The following IL1RL2 variants were observed in gnomAD, a reference collection of about 807,000 sequenced individuals.
IL1RL2 encodes the protein interleukin-1 receptor-like 2.
A neutral mutation model predicts 66.8 loss-of-function variants in IL1RL2; 68 were observed. The ratio of observed to expected loss-of-function variants is 1.02; its 90% CI spans 0.84 to 1.25. The LOEUF is 1.25. Ranked by LOEUF, IL1RL2 falls within the 50% of genes most tolerant of loss-of-function variation. IL1RL2 has a pLI of 0.00. For synonymous variants in IL1RL2, 305 were observed against 264.6 expected (o/e 1.15, Z -1.48); for missense variants, 729 against 709.3 (o/e 1.03, Z -0.32).
At chr2:102,199,682 G>T (rs1353586181) in intron 4 of IL1RL2, among the ~76,000 whole-genome samples, 1 of 152,216 alleles carries the variant, frequency 6.6e-6, no homozygotes, top group Non-Finnish European at 1.5e-5. Context: ...GCCCTCAGCT[G>T]CAAGGCTGAA....
intron 11 of IL1RL2, among the ~76,000 whole-genome samples, chr2:102,236,156 T>C (rs972801155): frequency 6.6e-6 from 1 of 152,238 alleles, no homozygotes; most frequent in African/African-American, 2.4e-5. Context: ...AAATTAGCTG[T>C]AAACCCTCAT....
intron 9 of IL1RL2, among the ~76,000 whole-genome samples, chr2:102,226,405 G>A (rs1578182489): frequency 6.6e-6 from 1 of 152,174 alleles, no homozygotes; most frequent in East Asian, 1.9e-4. Context: ...TCAGCACAGT[G>A]GGTACTTTCT....
chr2:102,187,485 C>A, intron 1 of IL1RL2: 1 of 810,854 alleles, frequency 1.2e-6, no homozygotes, highest in Non-Finnish European at 1.6e-6. Context: ...ACGTCTGGAA[C>A]CCAGGCCGCA....
chr2:102,187,978 T>G, intron 2 of IL1RL2, 53 bp downstream of exon 2: 1 of 1,536,922 alleles, frequency 6.5e-7, no homozygotes, highest in East Asian at 2.2e-5. Flanking sequence ...CACAGGCTCC[T>G]GGCCTGTCAT....
At chr2:102,237,749 G>A (rs1675007047) in intron 11 of IL1RL2, among the ~76,000 whole-genome samples, 1 of 152,228 alleles carries the variant, frequency 6.6e-6, no homozygotes, top group South Asian at 2.1e-4. Context: ...CCGCTGACAT[G>A]TAGGCAGGTT....
chr2:102,236,358 G>C (rs1674884507), intron 11 of IL1RL2, among the ~76,000 whole-genome samples: 1 of 152,126 alleles, frequency 6.6e-6, no homozygotes, highest in Non-Finnish European at 1.5e-5. Flanking sequence ...GATGGCATGG[G>C]GAGCAGGGTG....
At chr2:102,211,973 T>TCC in intron 5 of IL1RL2, 127 bp from the exon 6 acceptor site, 1 of 568,530 alleles carries the variant, frequency 1.8e-6, no homozygotes, top group East Asian at 2.9e-5. Flanking sequence ...TGTGTATTTA[T>TCC]GGAGTGAGAT....
At chr2:102,226,153 G>A (rs1690591914) in intron 9 of IL1RL2, 112 bp downstream of exon 9, 1 of 831,544 alleles carries the variant, frequency 1.2e-6, no homozygotes, top group South Asian at 2.6e-5. Flanking sequence ...CAAATTTAGG[G>A]AAAGGAATCT....
chr2:102,198,899 T>C (rs1469366465), intron 4 of IL1RL2, among the ~76,000 whole-genome samples: 2 of 152,188 alleles, frequency 1.3e-5, no homozygotes, highest in East Asian at 1.9e-4. Flanking sequence ...TCCAACCGTC[T>C]AATGTACAGT....
At chr2:102,208,153 C>T (rs1688856127) in intron 5 of IL1RL2, among the ~76,000 whole-genome samples, 2 of 152,186 alleles carry the variant, frequency 1.3e-5, no homozygotes, top group African/African-American at 2.4e-5. Flanking sequence ...TTTTCTATCT[C>T]ATTGGTGTCC....
At chr2:102,208,242 G>A (rs1418764450) in intron 5 of IL1RL2, among the ~76,000 whole-genome samples, 1 of 151,222 alleles carries the variant, frequency 6.6e-6, no homozygotes, top group African/African-American at 2.4e-5. Context: ...TGTGTAGATG[G>A]TTGTTAACTT....
intron 11 of IL1RL2, among the ~76,000 whole-genome samples, chr2:102,236,884 C>T (rs1674933805): frequency 6.6e-6 from 1 of 152,196 alleles, no homozygotes; most frequent in African/African-American, 2.4e-5. Context: ...AGTAGTGACA[C>T]ATGTTGGAAA....
At chr2:102,236,247 T>C (rs942938516) in intron 11 of IL1RL2, among the ~76,000 whole-genome samples, 6 of 152,164 alleles carry the variant, frequency 3.9e-5, no homozygotes, top group Admixed American at 2.0e-4. Context: ...CACTGAGACT[T>C]AGTAAGCAGT....
At chr2:102,218,301 C>T (rs537556290) in intron 6 of IL1RL2, among the ~76,000 whole-genome samples, 3 of 151,922 alleles carry the variant, frequency 2.0e-5, no homozygotes, top group Non-Finnish European at 4.4e-5. Context: ...AAAAAAATAT[C>T]ATTTAGAATA....
At chr2:102,195,952 G>A (rs1349274429) in intron 4 of IL1RL2, among the ~76,000 whole-genome samples, 2 of 151,934 alleles carry the variant, frequency 1.3e-5, no homozygotes, top group African/African-American at 4.8e-5. Context: ...GACCTCAGAT[G>A]ATCCACTTGT....
At position 102,219,998 on chromosome 2, in the gene IL1RL2, C is replaced by T; in HGVS notation, c.972C>T (p.Tyr324=). ...GCCACGCTGGAGTGTCCACAGCATA[C>T]ATTATATTACAGCTCCCAGGTAATA... The part of the protein sequence containing the change: ...FMCHAGVSTA[Y]IILQLPAPDF... The change falls in exon 8 of 12, where the codon TAC becomes TAT. Residue 324 remains tyrosine (Y), a synonymous_variant. Coordinates refer to ENST00000264257, the MANE Select transcript of IL1RL2 (RefSeq NM_003854.4). 2 of 1,612,314 alleles carry T rather than the reference C, an allele frequency of 1.2e-6. No homozygotes were observed. The highest frequency in any genetic ancestry group is 1.7e-6 in the Non-Finnish European group (2 of 1,178,600).
chr2:102,234,985 G>A lies in IL1RL2; in HGVS notation c.1386G>A (p.Leu462=). The A allele has an allele frequency of 6.2e-7, 1 of 1,614,198 alleles. No individual in the cohort carries two copies. Among genetic ancestry groups the A allele is most frequent in the Non-Finnish European group, 8.5e-7 (1 of 1,180,038 alleles). The part of the protein sequence containing the change: ...VVPESLGFGL[L]KNLSEEQIAV... ...CCGAATCGCTGGGCTTTGGCCTGTT[G>A]AAGAACCTGTCAGAAGAACAAATCG... is the stretch of plus-strand genomic sequence containing the variant. Residue 462 remains leucine (L), a synonymous_variant, in exon 11 of 12, where the codon TTG becomes TTA. Coordinates refer to ENST00000264257, the MANE Select transcript of IL1RL2 (RefSeq NM_003854.4).
chr2:102,190,318 A>T (rs1231072727), intron 3 of IL1RL2, among the ~76,000 whole-genome samples: 1 of 152,290 alleles, frequency 6.6e-6, no homozygotes, highest in South Asian at 2.1e-4. Flanking sequence ...TGAGGGCCCA[A>T]TTTCGTGACT....
Position 102,188,587 on chromosome 2 carries a change from C to CAAAAA in IL1RL2, c.59-477_59-473dup, listed in dbSNP as rs374522339. On this transcript the variant is annotated intron_variant, in intron 2 of 11. Coordinates refer to ENST00000264257, the MANE Select transcript of IL1RL2 (RefSeq NM_003854.4). ...TGGGCGACAGAGAGAGACTCCGTCT[C>CAAAAA]AAAAAAAAAAAAAAAAGGAAATTTG... Among the ~76,000 whole-genome samples, 127 of 94,966 alleles carry CAAAAA rather than the reference C, an allele frequency of 1.3e-3. 4 individuals carry two copies. Among genetic ancestry groups the CAAAAA allele is most frequent in the African/African-American group, 5.3e-3 (121 of 22,632 alleles). The allele number at this position is 94,966 out of a possible 152,430, so 62.3% of individuals were successfully genotyped here.
Sources: gnomAD v4.1 joint callset for allele counts (sites outside exome capture counted in the v4.1 genomes callset) on GRCh38, gnomAD v4.1.1 for gene constraint, MANE v1.5 for transcripts, NCBI Gene and HGNC (gene_info 2026-07-23, HGNC 2026-07-21) for gene names.